Variants in TNIP1 observed in about 807,000 individuals in gnomAD.
TNIP1 encodes TNFAIP3 interacting protein 1, also known as TNFAIP3-interacting protein 1.
Under a neutral mutation model 86.6 loss-of-function variants are expected in TNIP1, and 22 were observed. That is an observed-to-expected ratio of 0.25 (90% CI 0.18 to 0.36). The LOEUF (loss-of-function observed/expected upper bound fraction) is 0.36. Ranked by LOEUF, TNIP1 falls within the 10% of genes least tolerant of loss-of-function variation. The probability of loss-of-function intolerance (pLI) is 1.00; values close to 1 mark genes in which losing one functional copy is unlikely to be tolerated. For missense variants in TNIP1, 709 were observed against 820.6 expected (o/e 0.86, Z 1.66); for synonymous variants, 294 against 313.0 (o/e 0.94, Z 0.64).
At chr5:151,083,658 A>G (rs536840646), upstream of TNIP1, among the ~76,000 whole-genome samples, 1 of 152,224 alleles carries the variant, frequency 6.6e-6, no homozygotes, top group East Asian at 1.9e-4. Flanking sequence ...GTTTTGTTTT[A>G]TTTGGTTTTG....
upstream of TNIP1, among the ~76,000 whole-genome samples, chr5:151,085,957 C>T (rs1006833312): frequency 6.6e-5 from 10 of 152,346 alleles, no homozygotes; most frequent in South Asian, 4.1e-4. Flanking sequence ...GGCCCCTCCC[C>T]GCTCTCCCTC....
chr5:151,072,786 T>C (rs948944742), intron 1 of TNIP1, among the ~76,000 whole-genome samples: 2 of 152,200 alleles, frequency 1.3e-5, no homozygotes, highest in African/African-American at 4.8e-5. Flanking sequence ...TCCACCCTTT[T>C]AGGTAGTATA....
chr5:151,077,441 C>G (rs531764826), intron 1 of TNIP1, among the ~76,000 whole-genome samples: 1 of 152,204 alleles, frequency 6.6e-6, no homozygotes, highest in African/African-American at 2.4e-5. Context: ...ATAATAGCAG[C>G]GACCCTGTAC....
At chr5:151,034,954 G>A (rs748729576) in intron 15 of TNIP1, 48 bp downstream of exon 15, 4 of 1,606,842 alleles carry the variant, frequency 2.5e-6, no homozygotes, top group Non-Finnish European at 3.4e-6. Flanking sequence ...AGCTCCATGA[G>A]GAAGGTAAGA....
At chr5:151,053,273 C>T (rs1028934186) in intron 6 of TNIP1, among the ~76,000 whole-genome samples, 1 of 152,042 alleles carries the variant, frequency 6.6e-6, no homozygotes, top group African/African-American at 2.4e-5. Flanking sequence ...CCATGCCTGG[C>T]TAATTTTTGT....
intron 6 of TNIP1, among the ~76,000 whole-genome samples, chr5:151,053,101 CTTTTTTTTTTTTT>C (rs11390788): frequency 4.7e-5 from 4 of 85,208 alleles, no homozygotes; most frequent in Non-Finnish European, 6.5e-5. Flanking sequence ...AACTGTTTCT[CTTTTTTTTTTTTT>C]TTTTTTTTTT....
intron 6 of TNIP1, among the ~76,000 whole-genome samples, chr5:151,055,614 G>A (rs971485638): frequency 4.6e-5 from 7 of 152,094 alleles, no homozygotes; most frequent in Admixed American, 3.3e-4. Context: ...GGCATCCTCC[G>A]TGCTCCTCTA....
intron 12 of TNIP1, among the ~76,000 whole-genome samples, chr5:151,038,735 T>C (rs756891214): frequency 6.6e-6 from 1 of 152,062 alleles, no homozygotes; most frequent in Non-Finnish European, 1.5e-5. Flanking sequence ...TGACGAGCCA[T>C]GAGAAGGAGT....
At chr5:151,046,514 A>G (rs1759188544) in intron 8 of TNIP1, among the ~76,000 whole-genome samples, 1 of 152,246 alleles carries the variant, frequency 6.6e-6, no homozygotes, top group African/African-American at 2.4e-5. Flanking sequence ...AGAGACATCC[A>G]GCAGCACTGA....
chr5:151,064,938 G>C, intron 2 of TNIP1, 22 bp downstream of exon 2: 6 of 1,613,830 alleles, frequency 3.7e-6, no homozygotes, highest in Non-Finnish European at 5.1e-6. Flanking sequence ...CGCTCGCAGG[G>C]AGGGGACAGG....
At chr5:151,077,741 C>G (rs1299078743) in intron 1 of TNIP1, among the ~76,000 whole-genome samples, 1 of 152,230 alleles carries the variant, frequency 6.6e-6, no homozygotes, top group Non-Finnish European at 1.5e-5. Context: ...AACAACCACC[C>G]TCTACCTCCA....
At chr5:151,033,898 G>C in intron 15 of TNIP1, 99 bp from the exon 16 acceptor site, 1 of 1,132,064 alleles carries the variant, frequency 8.8e-7, no homozygotes, top group Non-Finnish European at 1.2e-6. Context: ...CTGAAGGCTA[G>C]CAGGCTGGGT....
chr5:151,064,531 G>A (rs1561524140), intron 2 of TNIP1, among the ~76,000 whole-genome samples: 1 of 152,092 alleles, frequency 6.6e-6, no homozygotes, highest in Non-Finnish European at 1.5e-5. Flanking sequence ...GAGAACTGAG[G>A]GACCTACCAC....
Position 151,030,539 on chromosome 5 carries a change from C to A in TNIP1, c.*174G>T. 1 of 1,012,896 alleles carries A rather than the reference C, an allele frequency of 9.9e-7. No individual in the cohort carries two copies. The highest frequency in any genetic ancestry group is 2.4e-5 in the Admixed American group (1 of 41,092). The allele number at this position is 1,012,896 out of a possible 1,614,324, so 62.7% of individuals were successfully genotyped here. A position where few individuals can be genotyped will look rare whatever the true frequency, so the allele number is the denominator to read the frequency against. ...ATGAAAGCCTTCTGGGTGGAGCCTC[C>A]CCAGTCCTGTAAACAGCTCAGTTCA... is the stretch of plus-strand genomic sequence containing the variant. On this transcript the variant is annotated 3_prime_UTR_variant, in exon 18 of 18. Transcript: ENST00000521591.
At chr5:151,069,560 C>A (rs1039059355) in intron 1 of TNIP1, among the ~76,000 whole-genome samples, 4 of 152,152 alleles carry the variant, frequency 2.6e-5, no homozygotes, top group African/African-American at 9.7e-5. Flanking sequence ...TCCCTGCAAC[C>A]CTGGAGCAGG....
In TNIP1 at chr5:151,050,632, G is replaced by GTTT. The variant is rs1360591260; in HGVS notation, c.723-688_723-686dup. ...ATGTGGATTCAGGTCTGACTAAAAT[G>GTTT]TTTCTTCTTTCTTTTTTTTGAGATA... On this transcript the variant is annotated intron_variant, in intron 7 of 17. Transcript: ENST00000521591. Among the ~76,000 whole-genome samples the GTTT allele has an allele frequency of 3.9e-5, 6 of 152,090 alleles. No homozygotes were observed. In the East Asian group the frequency reaches 1.2e-3, roughly 29 times the overall value.
intron 1 of TNIP1, among the ~76,000 whole-genome samples, chr5:151,075,068 C>T (rs1050609949): frequency 1.3e-4 from 20 of 152,198 alleles, no homozygotes; most frequent in South Asian, 2.1e-4. Context: ...TGAGTCACCA[C>T]GCTCAGCCTA....
chr5:151,043,447 G>C (rs895348790), intron 9 of TNIP1, among the ~76,000 whole-genome samples: 3 of 152,196 alleles, frequency 2.0e-5, no homozygotes, highest in African/African-American at 7.2e-5. Flanking sequence ...AGAAACGATA[G>C]TATAAACAGA....
At chr5:151,046,845 A>C (rs1284930986) in intron 8 of TNIP1, among the ~76,000 whole-genome samples, 2 of 152,218 alleles carry the variant, frequency 1.3e-5, no homozygotes, top group Non-Finnish European at 2.9e-5. Context: ...CTGATAGAAC[A>C]AAATAGCTGA....
Sources: allele counts gnomAD v4.1 joint callset (sites outside exome capture counted in the v4.1 genomes callset), GRCh38; gene constraint gnomAD v4.1.1; transcripts MANE v1.5; gene names NCBI Gene and HGNC (gene_info 2026-07-23, HGNC 2026-07-21).